AMOTL2: variants seen among roughly 807,000 people sequenced by gnomAD.
The protein encoded by AMOTL2 is angiomotin-like protein 2.
In AMOTL2, 33 loss-of-function variants were observed where a neutral mutation model predicts 78.4. The ratio of observed to expected loss-of-function variants is 0.42; its 90% CI spans 0.32 to 0.56. The LOEUF is 0.56. Ranked by LOEUF, AMOTL2 falls within the 20% of genes least tolerant of loss-of-function variation. The pLI, the probability that AMOTL2 is intolerant of heterozygous loss-of-function variation, is 0.12. For synonymous variants in AMOTL2, 422 were observed against 428.8 expected, an observed-to-expected ratio of 0.98 and a Z score of 0.20; for missense variants, 983 against 1,030.1, an observed-to-expected ratio of 0.95 and a Z score of 0.63.
chr3:134,360,006 TG>T, intron 7 of AMOTL2, 99 bp downstream of exon 7: 1 of 1,312,182 alleles, frequency 7.6e-7, no homozygotes, highest in Non-Finnish European at 1.0e-6. Flanking sequence ...CTGAGCTCTA[TG>T]GGGAAAGGGG....
chr3:134,373,836 G>C lies in AMOTL2; in HGVS notation c.-62+506C>G, dbSNP rs950371231. On this transcript the variant is annotated intron_variant, in intron 1 of 9. Coordinates refer to ENST00000249883, the MANE Select transcript of AMOTL2 (RefSeq NM_016201.4). ...CTCTAACGCTGACGTCACCGGGCTG[G>C]ACAGCAGGCTGCATTCTTTCTAAGT... 7 of 985,258 alleles carry C rather than the reference G, an allele frequency of 7.1e-6. No individual in the cohort carries two copies. The South Asian group carries it at 2.3e-4, about 33-fold the overall frequency. The allele number at this position is 985,258 out of a possible 1,614,324, so 61.0% of individuals were successfully genotyped here.
At chr3:134,373,284 T>C (rs1006401404) in intron 1 of AMOTL2, among the ~76,000 whole-genome samples, 1 of 151,986 alleles carries the variant, frequency 6.6e-6, no homozygotes, top group Non-Finnish European at 1.5e-5. Context: ...CCTATGATAA[T>C]CACTCTCTGG....
At position 134,357,681 on chromosome 3, in the gene AMOTL2, C is replaced by G; in HGVS notation, c.*24G>C. ...GGGCAGAGGAGGGGAGAGAATGGCT[C>G]AGAGTCCTGAAGCACCACCTCCTTC... On this transcript the variant is annotated 3_prime_UTR_variant, in exon 10 of 10. Coordinates refer to ENST00000249883, the MANE Select transcript of AMOTL2 (RefSeq NM_016201.4). 3 of 1,613,554 alleles carry G rather than the reference C, an allele frequency of 1.9e-6. No homozygotes were observed. Among genetic ancestry groups the G allele is most frequent in the Non-Finnish European group, 2.5e-6 (3 of 1,179,508 alleles).
rs1272934562 is a variant in AMOTL2, at chr3:134,365,812, C to T, written c.1279+5G>A. The stretch of plus-strand genomic sequence containing the variant: ...GCCAGGCTTCTTAGTGGGGCCCCTA[C>T]TCACTCTGAGCAAGCAGCTTGGCCA... On this transcript the variant is annotated splice_donor_5th_base_variant and intron_variant, in intron 5 of 9. Transcript: ENST00000249883. 1.2e-6 allele frequency: 2 copies of T among 1,613,708 alleles called. No homozygotes were observed. The highest frequency in any genetic ancestry group is 1.7e-5 in the Admixed American group (1 of 60,000).
intron 5 of AMOTL2, among the ~76,000 whole-genome samples, chr3:134,362,008 C>T (rs1436743046): frequency 6.6e-6 from 1 of 152,176 alleles, no homozygotes; most frequent in Non-Finnish European, 1.5e-5. Context: ...ATGACAGAGC[C>T]CAATTCCAGG....
intron 5 of AMOTL2, among the ~76,000 whole-genome samples, chr3:134,363,168 G>T (rs1019573738): frequency 9.2e-5 from 14 of 152,214 alleles, no homozygotes; most frequent in African/African-American, 4.8e-5. Context: ...CTTGGCATGT[G>T]GAAGGGAGGA....
intron 2 of AMOTL2, 129 bp from the exon 3 acceptor site, chr3:134,367,932 T>C: frequency 2.8e-6 from 2 of 718,032 alleles, no homozygotes; most frequent in East Asian, 6.1e-5. Context: ...ATTAATATAT[T>C]ATTAAAATTA....
Position 134,357,382 on chromosome 3 carries a change from G to C in AMOTL2, c.*323C>G. ...TGACTGACAACTGGCAGGGCAGAGG[G>C]AGCTCAGCTCCTTTCTGAGCTGTCA... On this transcript the variant is annotated 3_prime_UTR_variant, in exon 10 of 10. Coordinates refer to ENST00000249883, the MANE Select transcript of AMOTL2 (RefSeq NM_016201.4). 6.2e-6 allele frequency: 2 copies of C among 323,122 alleles called. No individual in the cohort carries two copies. Among genetic ancestry groups the C allele is most frequent in the South Asian group, 1.1e-4 (2 of 17,962 alleles). The allele number at this position is 323,122 out of a possible 1,614,324, so 20.0% of individuals were successfully genotyped here. A position where few individuals can be genotyped will look rare whatever the true frequency, so the allele number is the denominator to read the frequency against.
Position 134,357,667 on chromosome 3 carries a change from G to C in AMOTL2, c.*38C>G. ...CTGAGAGTGGCACAGGGCAGAGGAG[G>C]GGAGAGAATGGCTCAGAGTCCTGAA... On this transcript the variant is annotated 3_prime_UTR_variant, in exon 10 of 10. Coordinates refer to ENST00000249883, the MANE Select transcript of AMOTL2 (RefSeq NM_016201.4). 6.2e-7 allele frequency: 1 copy of C among 1,606,712 alleles called. No individual in the cohort carries two copies. The highest frequency in any genetic ancestry group is 2.2e-5 in the East Asian group (1 of 44,848).
Position 134,371,231 on chromosome 3 carries a change from TG to T in AMOTL2, c.202del (p.Gln68ArgfsTer83). ...GCCCTGGGGCTCCTGCCTGGTGGCC[TG>T]CTGCAGCACCTGACTGTCCTCTGGG... is the stretch of plus-strand genomic sequence containing the variant. Reference protein sequence around the residue: ...LAPEDSQVLQQATRQEPQGQE... With the variant: ...LAPEDSQVLQXATRQEPQGQE... On this transcript the variant is annotated frameshift_variant, in exon 2 of 10. Coordinates refer to ENST00000249883, the MANE Select transcript of AMOTL2 (RefSeq NM_016201.4). LOFTEE classifies it high-confidence loss of function. The T allele has an allele frequency of 1.2e-6, 2 of 1,613,416 alleles. No individual in the cohort carries two copies. Among genetic ancestry groups the T allele is most frequent in the Non-Finnish European group, 1.7e-6 (2 of 1,179,990 alleles).
chr3:134,365,731 G>A, intron 5 of AMOTL2, 86 bp downstream of exon 5: 2 of 1,257,744 alleles, frequency 1.6e-6, no homozygotes, highest in Admixed American at 2.0e-5. Flanking sequence ...TTGCAAGGGG[G>A]AAGGCCAATC....
intron 8 of AMOTL2, among the ~76,000 whole-genome samples, 164 bp downstream of exon 8, chr3:134,359,119 C>T (rs904002415): frequency 4.6e-5 from 7 of 152,220 alleles, no homozygotes; most frequent in East Asian, 1.9e-4. Flanking sequence ...GAGAGCCTTG[C>T]GCTGTAGAGT....
chr3:134,374,864 A>G (rs142590535), upstream of AMOTL2: 168 of 1,230,454 alleles, frequency 1.4e-4, no homozygotes, highest in Middle Eastern at 2.0e-3. Context: ...GGGCTGTACC[A>G]CGCGTGTCCT....
intron 3 of AMOTL2, 45 bp downstream of exon 3, chr3:134,367,452 G>A (rs572174997): frequency 1.9e-6 from 3 of 1,594,760 alleles, no homozygotes; most frequent in Admixed American, 1.8e-5. Context: ...TAGCCCCTCG[G>A]GGTCTCTTTC....
chr3:134,365,560 A>C (rs1416900174), intron 5 of AMOTL2, among the ~76,000 whole-genome samples: 1 of 152,246 alleles, frequency 6.6e-6, no homozygotes, highest in Non-Finnish European at 1.5e-5. Context: ...AAGCTCAGCA[A>C]ATCACTGCTC....
intron 7 of AMOTL2, 95 bp from the exon 8 acceptor site, chr3:134,359,598 C>A (rs542948667): frequency 4.0e-6 from 4 of 1,004,516 alleles, no homozygotes; most frequent in Non-Finnish European, 5.9e-6. Flanking sequence ...AAAGCCCCCC[C>A]CAACTCCCCC....
Position 134,367,958 on chromosome 3 carries a change from C to T in AMOTL2, c.735-155G>A, listed in dbSNP as rs576851603. The T allele has an allele frequency of 6.3e-6, 4 of 636,348 alleles. No individual in the cohort carries two copies. In the African/African-American group the frequency reaches 7.6e-5, roughly 12 times the overall value. 39.4% of individuals were successfully genotyped at this position (636,348 alleles called of 1,614,324 possible). ...ATTAAAATTACTGCAGATAATTATT[C>T]AACCCTCTAGTGTTAGGCAGGGACC... On this transcript the variant is annotated intron_variant, in intron 2 of 9. Transcript: ENST00000249883.
intron 5 of AMOTL2, among the ~76,000 whole-genome samples, chr3:134,365,346 C>T (rs1436555748): frequency 1.3e-5 from 2 of 152,172 alleles, no homozygotes; most frequent in Non-Finnish European, 1.5e-5. Context: ...TTTTGGCTGC[C>T]TCAGATGCCT....
chr3:134,374,187 G>A (rs992067131), intron 1 of AMOTL2, 155 bp downstream of exon 1: 12 of 963,108 alleles, frequency 1.2e-5, no homozygotes, highest in Non-Finnish European at 1.5e-5. Context: ...CAGGCACTGC[G>A]GCTGCCTCGA....
Sources: allele counts gnomAD v4.1 joint callset (sites outside exome capture counted in the v4.1 genomes callset), GRCh38; gene constraint gnomAD v4.1.1; transcripts MANE v1.5; gene names NCBI Gene and HGNC (gene_info 2026-07-23, HGNC 2026-07-21).